MGAT4C: variants seen among roughly 807,000 people sequenced by gnomAD.
The protein encoded by MGAT4C is alpha-1,3-mannosyl-glycoprotein 4-beta-N-acetylglucosaminyltransferase C.
A neutral mutation model predicts 40.1 loss-of-function variants in MGAT4C; 19 were observed. That is an observed-to-expected ratio of 0.47 (90% CI 0.33 to 0.70). MGAT4C has a LOEUF of 0.70. MGAT4C is among the 30% of genes least tolerant of loss of function. MGAT4C has a pLI of 0.02. For synonymous variants in MGAT4C, 181 were observed against 187.1 expected, an observed-to-expected ratio of 0.97 and a Z score of 0.27; for missense variants, 491 against 563.2, an observed-to-expected ratio of 0.87 and a Z score of 1.30.
intron 2 of MGAT4C, among the ~76,000 whole-genome samples, chr12:86,548,326 T>G (rs1959213092): frequency 6.6e-6 from 1 of 152,124 alleles, no homozygotes; most frequent in African/African-American, 2.4e-5. Flanking sequence ...ATTTAATATT[T>G]GAGAACTTAA....
chr12:85,989,405 C>T lies in MGAT4C; in HGVS notation c.142G>A (p.Val48Ile). Reference protein sequence around the residue: ...FMNLYIEDSYVLEGDKQLIRE... With the variant: ...FMNLYIEDSYILEGDKQLIRE... ...AATCAACCTCCCAAACTTACCAGAA[C>T]ATAGCTATCTTCAATGTACAAGTTC... Residue 48 changes from valine to isoleucine, a missense_variant, in exon 3 of 5, where the codon GTT becomes ATT. Physicochemically the swap from Val to Ile is conservative, Grantham distance 29. Transcript: ENST00000611864. 1 of 1,595,074 alleles carries T rather than the reference C, an allele frequency of 6.3e-7. No individual in the cohort carries two copies. The highest frequency in any genetic ancestry group is 8.5e-7 in the Non-Finnish European group (1 of 1,172,220).
intron 1 of MGAT4C, among the ~76,000 whole-genome samples, chr12:86,174,902 G>A (rs927990265): frequency 2.0e-5 from 3 of 152,124 alleles, no homozygotes; most frequent in African/African-American, 7.2e-5. Context: ...CATTTAGCCT[G>A]CTTGGTATTT....
intron 2 of MGAT4C, among the ~76,000 whole-genome samples, chr12:86,661,794 C>T (rs1963986094): frequency 6.6e-6 from 1 of 151,922 alleles, no homozygotes; most frequent in Non-Finnish European, 1.5e-5. Flanking sequence ...CAAAAATTAG[C>T]CGGGCGTGGT....
chr12:86,204,454 C>A (rs181252043), intron 1 of MGAT4C, among the ~76,000 whole-genome samples: 32 of 152,056 alleles, frequency 2.1e-4, no homozygotes, highest in Admixed American at 2.0e-3. Flanking sequence ...GTTCAAAGAT[C>A]TTAGATCATG....
At chr12:86,342,967 A>G (rs190440400) in intron 3 of MGAT4C, among the ~76,000 whole-genome samples, 2 of 152,280 alleles carry the variant, frequency 1.3e-5, no homozygotes, top group East Asian at 3.9e-4. Context: ...TAGATAGGGT[A>G]GAAACATAAG....
intron 2 of MGAT4C, among the ~76,000 whole-genome samples, chr12:86,683,534 T>C (rs1022890938): frequency 1.3e-5 from 2 of 151,990 alleles, no homozygotes; most frequent in Admixed American, 6.6e-5. Context: ...AACTAAATTA[T>C]GTTTGGATAT....
rs74333427 is a variant in MGAT4C, at chr12:86,754,033, G to T, written c.-261-26792C>A. 3.2e-3 allele frequency among the ~76,000 whole-genome samples: 485 copies of T among 152,214 alleles called. 1 individual carries two copies. Among genetic ancestry groups the T allele is most frequent in the African/African-American group, 0.011 (464 of 41,544 alleles). On this transcript the variant is annotated intron_variant, in intron 1 of 7. Coordinates refer to the MGAT4C transcript ENST00000548651. Reference sequence around the variant, plus strand: ...AAAGCATATTTATATAGAGAGACTTGTATGTAAGCATTCGTAGTAGCTCTA... The same window carrying T: ...AAAGCATATTTATATAGAGAGACTTTTATGTAAGCATTCGTAGTAGCTCTA...
chr12:86,307,719 T>C (rs1044275748), intron 4 of MGAT4C, among the ~76,000 whole-genome samples: 1 of 150,460 alleles, frequency 6.6e-6, no homozygotes, highest in Non-Finnish European at 1.5e-5. Flanking sequence ...TTTATTTTTT[T>C]TGAGACGTTG....
intron 1 of MGAT4C, among the ~76,000 whole-genome samples, chr12:86,133,771 A>AT (rs1213551895): frequency 2.0e-5 from 3 of 152,104 alleles, no homozygotes; most frequent in Non-Finnish European, 4.4e-5. Flanking sequence ...AAGTGTTAAA[A>AT]TTTTGGTAAA....
chr12:86,768,791 G>A (rs1373963023), intron 1 of MGAT4C, among the ~76,000 whole-genome samples: 2 of 152,070 alleles, frequency 1.3e-5, no homozygotes, highest in African/African-American at 4.8e-5. Flanking sequence ...TTAATCAATG[G>A]TGCTGGGAAA....
intron 2 of MGAT4C, among the ~76,000 whole-genome samples, chr12:86,439,649 T>C (rs1957194321): frequency 6.6e-6 from 1 of 151,900 alleles, no homozygotes; most frequent in African/African-American, 2.4e-5. Context: ...ACTAAGTGAA[T>C]TTGAAATCAA....
intron 2 of MGAT4C, among the ~76,000 whole-genome samples, chr12:86,509,687 C>T (rs1213112229): frequency 1.3e-5 from 2 of 152,090 alleles, no homozygotes; most frequent in Non-Finnish European, 2.9e-5. Flanking sequence ...TTCTTCCTAC[C>T]CATGAGCATG....
chr12:86,689,190 G>T (rs995621854), intron 2 of MGAT4C, among the ~76,000 whole-genome samples: 5 of 152,068 alleles, frequency 3.3e-5, no homozygotes, highest in Non-Finnish European at 7.4e-5. Flanking sequence ...TCTCAGCTCC[G>T]TCAAGTCATT....
At chr12:86,003,064 G>A (rs907764932) in intron 2 of MGAT4C, among the ~76,000 whole-genome samples, 1 of 152,104 alleles carries the variant, frequency 6.6e-6, no homozygotes, top group Non-Finnish European at 1.5e-5. Flanking sequence ...GTCTCCCAAA[G>A]TGTCAGGATT....
chr12:86,110,109 G>A (rs1378726947), intron 1 of MGAT4C, among the ~76,000 whole-genome samples: 1 of 149,922 alleles, frequency 6.7e-6, no homozygotes. Context: ...CAGTCAGGGA[G>A]GACTGCTGTT....
At chr12:86,270,857 A>G (rs996545291) in intron 4 of MGAT4C, among the ~76,000 whole-genome samples, 7 of 152,144 alleles carry the variant, frequency 4.6e-5, no homozygotes, top group Non-Finnish European at 1.0e-4. Flanking sequence ...AAAGCAGAAA[A>G]TGTCATGTAT....
At chr12:86,542,394 C>T (rs1449840567) in intron 2 of MGAT4C, among the ~76,000 whole-genome samples, 3 of 152,154 alleles carry the variant, frequency 2.0e-5, no homozygotes, top group Non-Finnish European at 4.4e-5. Context: ...GTTACTCAAC[C>T]AAAATAAAAA....
intron 1 of MGAT4C, among the ~76,000 whole-genome samples, chr12:86,250,612 G>A (rs567643720): frequency 8.9e-4 from 136 of 152,142 alleles, no homozygotes; most frequent in East Asian, 1.2e-3. Flanking sequence ...ATAAAAAGTA[G>A]CAAAGTAAAA....
At chr12:86,590,583 T>C (rs1330015816) in intron 2 of MGAT4C, among the ~76,000 whole-genome samples, 1 of 152,036 alleles carries the variant, frequency 6.6e-6, no homozygotes, top group Non-Finnish European at 1.5e-5. Context: ...TATGGCTCCC[T>C]ATTTTCAAAA....
Sources: allele counts gnomAD v4.1 joint callset (sites outside exome capture counted in the v4.1 genomes callset), GRCh38; gene constraint gnomAD v4.1.1; transcripts MANE v1.5; gene names NCBI Gene and HGNC (gene_info 2026-07-23, HGNC 2026-07-21).